Variants in PIF1 observed in about 807,000 individuals in gnomAD.
PIF1 encodes ATP-dependent DNA helicase PIF1.
Under a neutral mutation model 62.3 loss-of-function variants are expected in PIF1, and 67 were observed. That is an observed-to-expected ratio of 1.08 (90% CI 0.88 to 1.32). The LOEUF (loss-of-function observed/expected upper bound fraction) is 1.32, where lower values mean the gene tolerates loss of function less well. Ranked by LOEUF, PIF1 falls within the 40% of genes most tolerant of loss-of-function variation. The pLI, the probability that PIF1 is intolerant of heterozygous loss-of-function variation, is 0.00. For synonymous variants in PIF1, 364 were observed against 379.5 expected, an observed-to-expected ratio of 0.96 and a Z score of 0.47; for missense variants, 886 against 866.1, an observed-to-expected ratio of 1.02 and a Z score of -0.29.
chr15:64,825,643 G>C lies in PIF1; in HGVS notation c.-94C>G, dbSNP rs2084358647. On this transcript the variant is annotated 5_prime_UTR_variant, in exon 1 of 13. Transcript: ENST00000559239. ...CAGATCGTAGCCGGCCTGTGGCTAA[G>C]CTCCGAAACTAGAAATTTTTCAAAT... 6.6e-6 allele frequency: 1 copy of C among 152,304 alleles called. No homozygotes were observed. The highest frequency in any genetic ancestry group is 2.1e-4 in the South Asian group (1 of 4,824). The allele number at this position is 152,304 out of a possible 1,614,324, so 9.4% of individuals were successfully genotyped here.
rs1326763756 is a variant in PIF1, at chr15:64,815,647, C to G, written c.*651G>C. 1 of 1,515,248 alleles carries G rather than the reference C, an allele frequency of 6.6e-7. No individual in the cohort carries two copies. The highest frequency in any genetic ancestry group is 1.4e-5 in the African/African-American group (1 of 72,232). The allele number at this position is 1,515,248 out of a possible 1,614,324, so 93.9% of individuals were successfully genotyped here. On this transcript the variant is annotated 3_prime_UTR_variant, in exon 13 of 13. Transcript: ENST00000559239. ...GGAGGCACAGTTTTTACACAATTCT[C>G]TAGTTTATTTGTCCGAAATAAATAC...
At chr15:64,822,741 G>A (rs1339722295) in intron 2 of PIF1, 131 bp from the exon 3 acceptor site, 4 of 1,365,740 alleles carry the variant, frequency 2.9e-6, no homozygotes, top group Non-Finnish European at 3.9e-6. Flanking sequence ...TGGAGCTCTT[G>A]GGTTTGCCTG....
In PIF1 at chr15:64,822,407, G is replaced by T; in HGVS notation, c.692-16C>A. On this transcript the variant is annotated splice_polypyrimidine_tract_variant and intron_variant, in intron 3 of 12. Coordinates refer to ENST00000559239, the MANE Select transcript of PIF1 (RefSeq NM_001286496.2). ...TTCCCTGTTCCTGGACAGGGGCAAAGTTAGACAGGTCTCCCTGTTCCTCTA... is the reference window on the plus strand; with the variant it reads ...TTCCCTGTTCCTGGACAGGGGCAAATTTAGACAGGTCTCCCTGTTCCTCTA... The T allele has an allele frequency of 6.2e-7, 1 of 1,614,170 alleles. No homozygotes were observed. Among genetic ancestry groups the T allele is most frequent in the Non-Finnish European group, 8.5e-7 (1 of 1,180,014 alleles).
Position 64,820,966 on chromosome 15 carries a change from A to C in PIF1, c.1193+16T>G. The C allele has an allele frequency of 1.2e-6, 2 of 1,610,304 alleles. No individual in the cohort carries two copies. On this transcript the variant is annotated intron_variant, in intron 7 of 12. Coordinates refer to ENST00000559239, the MANE Select transcript of PIF1 (RefSeq NM_001286496.2). ...ATCCTCATCCCATAGCCCCTTCCCC[A>C]ACCAGCAGAGCTCACCTGCCTAGCC...
intron 2 of PIF1, 106 bp downstream of exon 2, chr15:64,823,672 T>G: frequency 1.2e-6 from 1 of 808,492 alleles, no homozygotes; most frequent in Non-Finnish European, 1.7e-6. Flanking sequence ...CAGATGGGTA[T>G]CAAATACCCA....
intron 8 of PIF1, 147 bp from the exon 9 acceptor site, chr15:64,819,370 G>C (rs1300150714): frequency 3.2e-6 from 2 of 619,930 alleles, no homozygotes; most frequent in Admixed American, 3.1e-5. Context: ...GAGTGCAAAG[G>C]CGTGATCTCG....
At position 64,822,691 on chromosome 15, in the gene PIF1, T is replaced by G. The variant is rs1031504993; in HGVS notation, c.559-81A>C. 5 of 1,580,508 alleles carry G rather than the reference T, an allele frequency of 3.2e-6. No homozygotes were observed. In the African/African-American group the frequency reaches 5.4e-5, roughly 17 times the overall value. ...ACCCTTCTTGGCCCATGTGCAATGC[T>G]GGGCCTGGTAACCCTTTGTCCTCTA... On this transcript the variant is annotated intron_variant, in intron 2 of 12. Coordinates refer to ENST00000559239, the MANE Select transcript of PIF1 (RefSeq NM_001286496.2).
chr15:64,819,302 T>TTTTAA, intron 8 of PIF1, 79 bp from the exon 9 acceptor site: 1 of 956,372 alleles, frequency 1.0e-6, no homozygotes, highest in South Asian at 1.6e-5. Context: ...TTTTTTTAAA[T>TTTTAA]TTTAATTTAA....
rs867343662 is a variant in PIF1 at position 64,821,582 on chromosome 15, T to C, written c.818-62A>G. On this transcript the variant is annotated intron_variant, in intron 4 of 12. Coordinates refer to ENST00000559239, the MANE Select transcript of PIF1 (RefSeq NM_001286496.2). ...AAGCCTCTCTTTTTTTTTTTTTTTT[T>C]TTTTTTTGAGAGAAGGTCTCTTTCT... is the stretch of plus-strand genomic sequence containing the variant. The C allele has an allele frequency of 3.9e-4, 576 of 1,487,222 alleles. 7 individuals are homozygous for C. Among genetic ancestry groups the C allele is most frequent in the Middle Eastern group, 2.7e-3 (13 of 4,832 alleles). The allele number at this position is 1,487,222 out of a possible 1,614,324, so 92.1% of individuals were successfully genotyped here. A position where few individuals can be genotyped will look rare whatever the true frequency, so the allele number is the denominator to read the frequency against.
intron 1 of PIF1, among the ~76,000 whole-genome samples, chr15:64,824,869 G>A (rs1319695858): frequency 1.8e-3 from 103 of 58,840 alleles, no homozygotes; most frequent in African/African-American, 5.2e-3. Context: ...TTATATATAT[G>A]TGTGTGTGTG....
rs990518386 is a variant in PIF1 at position 64,816,641 on chromosome 15, G to A, written c.1799C>T (p.Ala600Val). Residue 600 changes from alanine to valine, a missense_variant, in exon 12 of 13, where the codon GCG (alanine) becomes GTG (valine). Ala to Val is a moderately conservative substitution (Grantham distance 64). Coordinates refer to ENST00000559239, the MANE Select transcript of PIF1 (RefSeq NM_001286496.2). Reference sequence around the variant, plus strand: ...CAGCACACGGGGGTCACAGCGAACCGCCATGGGGTCAAAGTCCAGCACACG... The same window carrying A: ...CAGCACACGGGGGTCACAGCGAACCACCATGGGGTCAAAGTCCAGCACACG... ...GLRVLDFDPM[A>V]VRCDPRVLHF... is the part of the protein sequence containing the mutation. The A allele has an allele frequency of 6.2e-6, 10 of 1,614,066 alleles. No homozygotes were observed. Among genetic ancestry groups the A allele is most frequent in the East Asian group, 2.2e-5 (1 of 44,886 alleles).
In PIF1 at chr15:64,824,116, C is replaced by T. The variant is rs1226230590; in HGVS notation, c.220G>A (p.Ala74Thr). Residue 74 changes from alanine (A) to threonine (T), a missense_variant, in exon 2 of 13, where the codon GCG becomes ACG. Transcript: ENST00000559239. ...TCGGCGAAACGCGTGAAGAGGCGCG[C>T]GGCGCGCAGAGGAAAGCAGCGCGGC... Reference protein sequence around the residue: ...GRPRCFPLRAARLFTRFAEAG... With the variant: ...GRPRCFPLRATRLFTRFAEAG... The T allele has an allele frequency of 7.9e-7, 1 of 1,272,792 alleles. No homozygotes were observed. The highest frequency in any genetic ancestry group is 9.9e-7 in the Non-Finnish European group (1 of 1,011,020). 78.8% of individuals were successfully genotyped at this position (1,272,792 alleles called of 1,614,324 possible).
Position 64,821,401 on chromosome 15 carries a change from C to A in PIF1, c.937G>T (p.Ala313Ser). 6.2e-7 allele frequency: 1 copy of A among 1,614,188 alleles called. No homozygotes were observed. Among genetic ancestry groups the A allele is most frequent in the Non-Finnish European group, 8.5e-7 (1 of 1,180,028 alleles). The part of the protein sequence containing the change: ...LVIDEISMVE[A>S]DLFDKLEAVA... ...GCCTCCAGTTTGTCAAACAGGTCTG[C>A]CTCCACCATTGAGATCTCGTCAATG... Residue 313 changes from alanine (A) to serine (S), a missense_variant, in exon 5 of 13, where the codon GCA becomes TCA. Transcript: ENST00000559239.
rs774658810 is a variant in PIF1, at chr15:64,816,763, G to A, written c.1677C>T (p.Gly559=). The part of the protein sequence containing the change: ...AWAMSIHKSQ[G]MTLDCVEISL... ...AAATCTCCACACAATCCAGGGTCAT[G>A]CCCTGGGGGATGCAGGGACAGAGAT... The change falls in exon 12 of 13, where the codon GGC becomes GGT. Residue 559 remains glycine (G), a splice_region_variant and synonymous_variant. Transcript: ENST00000559239. 3 of 1,582,848 alleles carry A rather than the reference G, an allele frequency of 1.9e-6. No homozygotes were observed. In the South Asian group the frequency reaches 3.4e-5, roughly 18 times the overall value.
At chr15:64,817,077 C>G (rs1205925055) in intron 11 of PIF1, among the ~76,000 whole-genome samples, 3 of 152,120 alleles carry the variant, frequency 2.0e-5, no homozygotes, top group Non-Finnish European at 4.4e-5. Flanking sequence ...TGGTTTCTTT[C>G]TGTGCAAAAT....
intron 4 of PIF1, chr15:64,821,841 G>C (rs916149842): frequency 6.5e-6 from 2 of 306,402 alleles, no homozygotes; most frequent in South Asian, 4.2e-5. Flanking sequence ...CTGGGTTCAC[G>C]CCATTCTCCT....
Position 64,823,932 on chromosome 15 carries a change from G to C in PIF1, c.404C>G (p.Ala135Gly). ...CCGCGGGCCCAGCAGCTGCGCTCGG[G>C]CGGAGGCCGGCCCGGGACCCGGGGC... The part of the protein sequence containing the change: ...AAAPGPGPAS[A>G]RAQLLGPRPR... The change falls in exon 2 of 13, where the codon GCC becomes GGC. Residue 135 changes from alanine (A) to glycine (G), a missense_variant. Ala to Gly is a moderately conservative substitution (Grantham distance 60). Coordinates refer to ENST00000559239, the MANE Select transcript of PIF1 (RefSeq NM_001286496.2). 3 of 1,315,732 alleles carry C rather than the reference G, an allele frequency of 2.3e-6. No individual in the cohort carries two copies. The highest frequency in any genetic ancestry group is 2.9e-6 in the Non-Finnish European group (3 of 1,027,010). 81.5% of individuals were successfully genotyped at this position (1,315,732 alleles called of 1,614,324 possible).
intron 11 of PIF1, 131 bp from the exon 12 acceptor site, chr15:64,816,896 G>A (rs1457898378): frequency 2.4e-6 from 2 of 823,436 alleles, no homozygotes; most frequent in East Asian, 6.0e-5. Context: ...CTAGACAGAG[G>A]GAGAGCATGA....
chr15:64,823,470 A>G, intron 2 of PIF1: 1 of 234,712 alleles, frequency 4.3e-6, no homozygotes, highest in Non-Finnish European at 8.2e-6. Context: ...CTGGCCTCAG[A>G]ACTCCTAACC....
Sources: gnomAD v4.1 joint callset for allele counts (sites outside exome capture counted in the v4.1 genomes callset) on GRCh38, gnomAD v4.1.1 for gene constraint, MANE v1.5 for transcripts, NCBI Gene and HGNC (gene_info 2026-07-23, HGNC 2026-07-21) for gene names.